JARID2: variants seen among roughly 807,000 people sequenced by gnomAD.
The protein encoded by JARID2 is protein Jumonji.
A neutral mutation model predicts 125.6 loss-of-function variants in JARID2; 21 were observed. That is an observed-to-expected ratio of 0.17 (90% CI 0.12 to 0.24). The LOEUF (loss-of-function observed/expected upper bound fraction) is 0.24. Among genes scored for constraint, JARID2 ranks in the 10% least tolerant of loss-of-function variants. The pLI, the probability that JARID2 is intolerant of heterozygous loss-of-function variation, is 1.00. For missense variants in JARID2, 1,303 were observed against 1,639.6 expected (o/e 0.79, Z 3.55); for synonymous variants, 736 against 661.6 (o/e 1.11, Z -1.73).
chr6:15,325,542 T>C (rs2127447643), intron 1 of JARID2, among the ~76,000 whole-genome samples: 1 of 152,284 alleles, frequency 6.6e-6, no homozygotes, highest in Non-Finnish European at 1.5e-5. Flanking sequence ...TGGTGTGGTG[T>C]GCAGGAGGGT....
chr6:15,336,667 TA>T (rs933326761), intron 1 of JARID2, among the ~76,000 whole-genome samples: 2 of 146,914 alleles, frequency 1.4e-5, no homozygotes, highest in Non-Finnish European at 1.5e-5. Context: ...TTTTTTTTTT[TA>T]ATAGATTTGG....
chr6:15,422,714 A>G (rs1246298184), intron 3 of JARID2, among the ~76,000 whole-genome samples: 2 of 152,204 alleles, frequency 1.3e-5, no homozygotes, highest in Non-Finnish European at 2.9e-5. Context: ...TGTCTACACA[A>G]TAGATGAAGC....
rs71944757 is a variant in JARID2 at position 15,320,852 on chromosome 6, C to CTGTGTGTGTGTGTGTGTG, written c.46-53251_46-53234dup. Among the ~76,000 whole-genome samples the CTGTGTGTGTGTGTGTGTG allele has an allele frequency of 5.1e-3, 736 of 145,384 alleles. 9 individuals carry two copies. The highest frequency in any genetic ancestry group is 0.018 in the African/African-American group (706 of 39,314). On this transcript the variant is annotated intron_variant, in intron 1 of 17. Transcript: ENST00000341776. ...AATATGATTCATTCTCTCTCTCTCT[C>CTGTGTGTGTGTGTGTGTG]TGTGTGTGTGTGTGTGTGTGTGTGT...
chr6:15,307,747 T>C (rs1255256143), intron 1 of JARID2, among the ~76,000 whole-genome samples: 1 of 152,214 alleles, frequency 6.6e-6, no homozygotes, highest in Non-Finnish European at 1.5e-5. Context: ...CCTTTACTTA[T>C]GTGATTAGTT....
intron 3 of JARID2, among the ~76,000 whole-genome samples, chr6:15,416,101 A>G (rs908570455): frequency 5.9e-5 from 9 of 151,590 alleles, no homozygotes; most frequent in Non-Finnish European, 1.2e-4. Context: ...GCGGCTGGGC[A>G]GAGACTCTCC....
At chr6:15,348,135 A>T (rs1411793833) in intron 1 of JARID2, among the ~76,000 whole-genome samples, 1 of 151,220 alleles carries the variant, frequency 6.6e-6, no homozygotes, top group Non-Finnish European at 1.5e-5. Flanking sequence ...TCTGTCACCC[A>T]AGCTGTAGTG....
At chr6:15,433,442 G>GTGTGTA (rs1561859904) in intron 3 of JARID2, among the ~76,000 whole-genome samples, 1 of 139,722 alleles carries the variant, frequency 7.2e-6, no homozygotes, top group South Asian at 2.2e-4. Flanking sequence ...GTGTGTGTGT[G>GTGTGTA]TGTGTGTGTA....
intron 2 of JARID2, among the ~76,000 whole-genome samples, chr6:15,382,171 G>T (rs1309428955): frequency 2.0e-5 from 3 of 152,218 alleles, no homozygotes; most frequent in Non-Finnish European, 4.4e-5. Context: ...GTTGAAGCAG[G>T]AGAATTGCTG....
At chr6:15,457,641 T>C (rs1175865293) in intron 4 of JARID2, among the ~76,000 whole-genome samples, 1 of 151,470 alleles carries the variant, frequency 6.6e-6, no homozygotes, top group Non-Finnish European at 1.5e-5. Flanking sequence ...TCCTCAATTA[T>C]TACCTTTAAT....
intron 3 of JARID2, among the ~76,000 whole-genome samples, chr6:15,425,541 C>G (rs1306531976): frequency 1.3e-5 from 2 of 152,030 alleles, no homozygotes; most frequent in African/African-American, 4.8e-5. Context: ...ATACCTTTAT[C>G]GTGGGAGTGG....
At chr6:15,430,992 G>C (rs186860104) in intron 3 of JARID2, among the ~76,000 whole-genome samples, 1 of 152,174 alleles carries the variant, frequency 6.6e-6, no homozygotes, top group African/African-American at 2.4e-5. Flanking sequence ...CACTGTGACA[G>C]CCTGTAGACT....
chr6:15,312,899 C>T (rs964691402), intron 1 of JARID2, among the ~76,000 whole-genome samples: 1 of 152,306 alleles, frequency 6.6e-6, no homozygotes, highest in South Asian at 2.1e-4. Context: ...CTTTACCCCT[C>T]ACCACCCCAC....
intron 2 of JARID2, among the ~76,000 whole-genome samples, chr6:15,383,362 G>A (rs536407123): frequency 7.9e-5 from 12 of 151,212 alleles, no homozygotes; most frequent in Non-Finnish European, 1.5e-4. Flanking sequence ...GTTTCTTTGC[G>A]GATGAAATTA....
intron 1 of JARID2, among the ~76,000 whole-genome samples, chr6:15,288,148 T>A (rs148702607): frequency 1.2e-3 from 185 of 152,188 alleles, no homozygotes; most frequent in Admixed American, 4.8e-3. Context: ...ATACCTCAGA[T>A]TGGGTAATTT....
rs1468960218 is a variant in JARID2 at position 15,410,262 on chromosome 6, G to C, written c.220G>C (p.Ala74Pro). 6.2e-7 allele frequency: 1 copy of C among 1,614,130 alleles called. No homozygotes were observed. Among genetic ancestry groups the C allele is most frequent in the South Asian group, 1.1e-5 (1 of 91,086 alleles). ...GNDQSKGLGP[A>P]SEQSENEKDD... The stretch of plus-strand genomic sequence containing the variant: ...TGACCAGTCTAAGGGATTAGGACCA[G>C]CATCAGAACAGTCAGAGAATGAAAA... Residue 74 changes from alanine to proline, a missense_variant, in exon 3 of 18, where the codon GCA becomes CCA. This residue lies in a region of JARID2 where 93 missense variants were observed against 120.4 expected (regional missense o/e 0.77). Coordinates refer to ENST00000341776, the MANE Select transcript of JARID2 (RefSeq NM_004973.4).
intron 1 of JARID2, among the ~76,000 whole-genome samples, chr6:15,301,248 T>C (rs1761613396): frequency 6.6e-6 from 1 of 152,202 alleles, no homozygotes; most frequent in Admixed American, 6.5e-5. Flanking sequence ...TCTTCTTTAC[T>C]ATAAAATTTT....
chr6:15,406,507 A>G (rs563960480), intron 2 of JARID2, among the ~76,000 whole-genome samples: 1 of 152,294 alleles, frequency 6.6e-6, no homozygotes, highest in East Asian at 1.9e-4. Context: ...GCCCCATTTT[A>G]TGAATCTGGA....
At chr6:15,282,259 A>G (rs1223837176) in intron 1 of JARID2, among the ~76,000 whole-genome samples, 1 of 152,022 alleles carries the variant, frequency 6.6e-6, no homozygotes, top group African/African-American at 2.4e-5. Context: ...GTTTTAGAGT[A>G]GGAAGAAATT....
chr6:15,326,157 T>G (rs1762526470), intron 1 of JARID2, among the ~76,000 whole-genome samples: 2 of 152,196 alleles, frequency 1.3e-5, no homozygotes, highest in African/African-American at 4.8e-5. Context: ...TGCAGAAGTA[T>G]CAACCCATGG....
Sources: allele counts gnomAD v4.1 joint callset (sites outside exome capture counted in the v4.1 genomes callset), GRCh38; gene constraint gnomAD v4.1.1; regional missense constraint gnomAD v4.1.1; transcripts MANE v1.5; gene names NCBI Gene and HGNC (gene_info 2026-07-23, HGNC 2026-07-21).